TNR: variants seen among roughly 807,000 people sequenced by gnomAD.
The protein encoded by TNR is tenascin-R.
In TNR, 45 loss-of-function variants were observed where a neutral mutation model predicts 150.4. That is an observed-to-expected ratio of 0.30 (90% CI 0.24 to 0.38). The LOEUF is 0.38. Ranked by LOEUF, TNR falls within the 10% of genes least tolerant of loss-of-function variation. The pLI is 1.00. For missense variants in TNR, 1,544 were observed against 1,759.1 expected (o/e 0.88, Z 2.19); for synonymous variants, 687 against 678.4 (o/e 1.01, Z -0.20).
rs560058156 is a variant in TNR at position 175,555,044 on chromosome 1, T to C, written c.-164-26675A>G. ...TTTAACTCTTTTTAGTTAAGCAACT[T>C]GTATAGATTTTCCAGTATGGATTAA... On this transcript the variant is annotated intron_variant, in intron 1 of 22. Coordinates refer to ENST00000367674, the MANE Select transcript of TNR (RefSeq NM_003285.3). Among the ~76,000 whole-genome samples, 21 of 152,290 alleles carry C rather than the reference T, an allele frequency of 1.4e-4. No individual in the cohort carries two copies. The South Asian group carries it at 1.7e-3, about 12-fold the overall frequency.
intron 20 of TNR, chr1:175,330,470 G>T: frequency 5.3e-6 from 2 of 380,258 alleles, no homozygotes; most frequent in South Asian, 2.0e-4. Flanking sequence ...GAAACTCAGG[G>T]GTTCTAATAC....
At chr1:175,653,292 G>A (rs12089079) in intron 1 of TNR, among the ~76,000 whole-genome samples, 13,671 of 152,236 alleles carry the variant, frequency 0.09, 935 homozygotes, top group African/African-American at 0.19. Flanking sequence ...CGTAGCCAAC[G>A]CATAGCATGA....
Position 175,323,103 on chromosome 1 carries a change from C to A in TNR, c.*254G>T. The A allele has an allele frequency of 2.7e-6, 1 of 376,374 alleles. No homozygotes were observed. The highest frequency in any genetic ancestry group is 4.7e-6 in the Non-Finnish European group (1 of 210,628). 23.3% of individuals were successfully genotyped at this position (376,374 alleles called of 1,614,324 possible). On this transcript the variant is annotated 3_prime_UTR_variant, in exon 23 of 23. Transcript: ENST00000367674. Reference sequence around the variant, plus strand: ...GGCCCTTTAAGAAAACTTCCTACTTCTCCTCCTTGGTGGGAAAGGAGGTGA... The same window carrying A: ...GGCCCTTTAAGAAAACTTCCTACTTATCCTCCTTGGTGGGAAAGGAGGTGA...
At chr1:175,577,998 T>G (rs780764388) in intron 1 of TNR, among the ~76,000 whole-genome samples, 5 of 152,172 alleles carry the variant, frequency 3.3e-5, no homozygotes, top group Admixed American at 6.5e-5. Flanking sequence ...AAGGAGGAAA[T>G]TGCTTTGAAA....
At chr1:175,435,222 G>A (rs1655449999) in intron 2 of TNR, among the ~76,000 whole-genome samples, 1 of 152,216 alleles carries the variant, frequency 6.6e-6, no homozygotes, top group Non-Finnish European at 1.5e-5. Flanking sequence ...GGTGAGACAT[G>A]AAGGTGGCTT....
chr1:175,644,832 G>A (rs1280968593), intron 1 of TNR, among the ~76,000 whole-genome samples: 1 of 152,256 alleles, frequency 6.6e-6, no homozygotes, highest in Non-Finnish European at 1.5e-5. Context: ...CCTTCATTGA[G>A]TAAGTCACAC....
intron 2 of TNR, among the ~76,000 whole-genome samples, chr1:175,417,323 T>G (rs1464523336): frequency 6.6e-6 from 1 of 151,526 alleles, no homozygotes; most frequent in East Asian, 1.9e-4. Context: ...GGAGAGGAGT[T>G]GTGGGCAGTG....
intron 1 of TNR, among the ~76,000 whole-genome samples, chr1:175,541,854 T>C (rs1157854925): frequency 1.3e-5 from 2 of 152,212 alleles, no homozygotes; most frequent in Non-Finnish European, 2.9e-5. Context: ...ATGGGGTTAA[T>C]ATCACCACCA....
At chr1:175,660,334 G>A (rs1665323635) in intron 1 of TNR, among the ~76,000 whole-genome samples, 1 of 152,192 alleles carries the variant, frequency 6.6e-6, no homozygotes, top group African/African-American at 2.4e-5. Flanking sequence ...CCCGCACATG[G>A]GCTGGGAATA....
At chr1:175,345,683 A>C (rs1457754827) in intron 18 of TNR, among the ~76,000 whole-genome samples, 1 of 152,118 alleles carries the variant, frequency 6.6e-6, no homozygotes, top group East Asian at 1.9e-4. Flanking sequence ...TAAAAAGCTA[A>C]GGTATTTGGA....
chr1:175,373,310 G>C lies in TNR; in HGVS notation c.1964-6013C>G, dbSNP rs116366426. Reference sequence around the variant, plus strand: ...AAATTTCCCATCAGTGGAATTTGGAGACCAGAGGTTTCATGGGGGAGATAT... The same window carrying C: ...AAATTTCCCATCAGTGGAATTTGGACACCAGAGGTTTCATGGGGGAGATAT... On this transcript the variant is annotated intron_variant, in intron 9 of 22. Transcript: ENST00000367674. Among the ~76,000 whole-genome samples the C allele has an allele frequency of 9.6e-3, 1,460 of 152,306 alleles. 22 individuals are homozygous for C. Among genetic ancestry groups the C allele is most frequent in the African/African-American group, 0.031 (1,292 of 41,558 alleles).
At chr1:175,421,100 T>C (rs1323470704) in intron 2 of TNR, among the ~76,000 whole-genome samples, 19 of 152,130 alleles carry the variant, frequency 1.2e-4, no homozygotes, top group Non-Finnish European at 2.6e-4. Context: ...CTCACCAACA[T>C]TGACTCCAAG....
chr1:175,738,469 T>G (rs2101960552), intron 1 of TNR, among the ~76,000 whole-genome samples: 1 of 152,272 alleles, frequency 6.6e-6, no homozygotes, highest in Admixed American at 6.5e-5. Flanking sequence ...CCTAGGATAG[T>G]CAGGTTCATA....
chr1:175,577,942 C>T (rs928438678), intron 1 of TNR, among the ~76,000 whole-genome samples: 6 of 152,146 alleles, frequency 3.9e-5, no homozygotes, highest in Non-Finnish European at 8.8e-5. Flanking sequence ...TGACCTTGAG[C>T]GAGTTATTTC....
intron 14 of TNR, among the ~76,000 whole-genome samples, chr1:175,361,276 TA>T (rs1651574660): frequency 6.6e-6 from 1 of 152,206 alleles, no homozygotes; most frequent in South Asian, 2.1e-4. Context: ...ATCTTGGGGA[TA>T]GGAGGCTCTT....
chr1:175,363,614 G>A (rs777561579), intron 13 of TNR, 94 bp downstream of exon 13: 39 of 1,462,828 alleles, frequency 2.7e-5, no homozygotes, highest in East Asian at 9.7e-5. Flanking sequence ...GAGGAAAAAC[G>A]CAGGCAGGAG....
At chr1:175,520,115 G>A (rs1659575673) in intron 2 of TNR, among the ~76,000 whole-genome samples, 1 of 152,176 alleles carries the variant, frequency 6.6e-6, no homozygotes, top group Non-Finnish European at 1.5e-5. Context: ...ATCAAAAAGT[G>A]CTTAGCATAT....
At chr1:175,498,273 C>T (rs958746333) in intron 2 of TNR, among the ~76,000 whole-genome samples, 1 of 152,202 alleles carries the variant, frequency 6.6e-6, no homozygotes, top group Non-Finnish European at 1.5e-5. Context: ...TATCCAGCCT[C>T]CTGGCATTCA....
intron 2 of TNR, among the ~76,000 whole-genome samples, chr1:175,407,002 A>C (rs1246570559): frequency 2.0e-5 from 3 of 152,202 alleles, no homozygotes; most frequent in Non-Finnish European, 4.4e-5. Context: ...TTGTTTTCTC[A>C]AAAGGCTTAT....
Sources: allele counts gnomAD v4.1 joint callset (sites outside exome capture counted in the v4.1 genomes callset), GRCh38; gene constraint gnomAD v4.1.1; transcripts MANE v1.5; gene names NCBI Gene and HGNC (gene_info 2026-07-23, HGNC 2026-07-21).